AQP7: variants seen among roughly 807,000 people sequenced by gnomAD.
AQP7 encodes the protein aquaporin 7, also known as aquaporin-7.
In AQP7, 22 loss-of-function variants were observed where a neutral mutation model predicts 26.1. The ratio of observed to expected loss-of-function variants is 0.84; its 90% CI spans 0.60 to 1.20. The LOEUF (loss-of-function observed/expected upper bound fraction) is 1.20. AQP7 is among the 50% of genes most tolerant of loss of function. The pLI, the probability that AQP7 is intolerant of heterozygous loss-of-function variation, is 0.00. For missense variants in AQP7, 412 were observed against 457.5 expected (o/e 0.90, Z 0.91); for synonymous variants, 167 against 181.7 (o/e 0.92, Z 0.65).
intron 2 of AQP7, among the ~76,000 whole-genome samples, chr9:33,396,513 A>G (rs1825862126): frequency 6.8e-6 from 1 of 147,912 alleles, no homozygotes; most frequent in South Asian, 2.2e-4. Flanking sequence ...TCACTCTGCT[A>G]TCTCACTGTC....
At chr9:33,397,335 C>T (rs1825929360) in intron 2 of AQP7, among the ~76,000 whole-genome samples, 1 of 151,974 alleles carries the variant, frequency 6.6e-6, no homozygotes, top group African/African-American at 2.4e-5. Context: ...CTCTCCCCTG[C>T]CTCTATGGTA....
At chr9:33,392,536 AAAGG>A (rs1357663548) in intron 3 of AQP7, among the ~76,000 whole-genome samples, 1 of 152,090 alleles carries the variant, frequency 6.6e-6, no homozygotes, top group Non-Finnish European at 1.5e-5. Context: ...AATCTCAACA[AAAGG>A]AAGAGGAACA....
chr9:33,395,453 G>A (rs7863490), intron 2 of AQP7: 27,629 of 476,876 alleles, frequency 0.058, 1,086 homozygotes, highest in East Asian at 0.13. Flanking sequence ...ACACCAATGA[G>A]GCCACTTTGC....
intron 2 of AQP7, among the ~76,000 whole-genome samples, chr9:33,400,264 C>T (rs1826165088): frequency 6.6e-6 from 1 of 151,866 alleles, no homozygotes; most frequent in Admixed American, 6.6e-5. Flanking sequence ...GTACCAGCTC[C>T]TACGGAAAAA....
In AQP7 at chr9:33,386,071, A is replaced by G. The variant is rs572957001; in HGVS notation, c.525+6T>C. ...GGGGGAGGGATACTCATCCTCGACC[A>G]CTGACCTCATTCAGGAAGCCCCGCC... On this transcript the variant is annotated splice_donor_region_variant and intron_variant, in intron 6 of 7. Transcript: ENST00000297988. The G allele has an allele frequency of 3.1e-6, 5 of 1,612,884 alleles. No homozygotes were observed. The South Asian group carries it at 3.3e-5, about 11-fold the overall frequency.
At chr9:33,387,812 C>T (rs1263549990) in intron 3 of AQP7, among the ~76,000 whole-genome samples, 1 of 152,090 alleles carries the variant, frequency 6.6e-6, no homozygotes, top group African/African-American at 2.4e-5. Context: ...CCATACCTTC[C>T]ATCCTCCCAC....
chr9:33,395,311 G>T (rs566290105), intron 2 of AQP7, 116 bp from the exon 3 acceptor site: 6 of 810,444 alleles, frequency 7.4e-6, no homozygotes, highest in African/African-American at 1.7e-5. Flanking sequence ...GCCCACACAC[G>T]CCTCCTCTTG....
intron 2 of AQP7, among the ~76,000 whole-genome samples, chr9:33,398,580 C>T (rs550796834): frequency 7.2e-5 from 11 of 152,330 alleles, no homozygotes; most frequent in African/African-American, 1.9e-4. Context: ...GGCAGCTCAG[C>T]GATGCCCTCA....
Position 33,392,143 on chromosome 9 carries a change from G to A in AQP7, c.144+2935C>T, listed in dbSNP as rs574662290. Among the ~76,000 whole-genome samples, 12 of 152,148 alleles carry A rather than the reference G, an allele frequency of 7.9e-5. No homozygotes were observed. The East Asian group carries it at 1.5e-3, about 20-fold the overall frequency. ...AGCCTTGACAACATGGTGAAACCTC[G>A]TCTTTCCTAAAAATACAAAAATTGG... On this transcript the variant is annotated intron_variant, in intron 3 of 7. Coordinates refer to ENST00000297988, the MANE Select transcript of AQP7 (RefSeq NM_001170.3).
At chr9:33,398,079 T>G (rs1379975753) in intron 2 of AQP7, among the ~76,000 whole-genome samples, 48 of 151,690 alleles carry the variant, frequency 3.2e-4, no homozygotes, top group Non-Finnish European at 2.9e-4. Context: ...GTGGAGGAAG[T>G]GAATGGCCTA....
At chr9:33,385,602 G>A (rs117066088) in intron 7 of AQP7, 47 bp downstream of exon 7, 1 of 1,603,750 alleles carries the variant, frequency 6.2e-7, no homozygotes, top group Non-Finnish European at 8.5e-7. Flanking sequence ...AACACACAGG[G>A]GACCCACAGA....
chr9:33,402,332 G>A (rs1230766836), intron 1 of AQP7, 41 bp downstream of exon 1: 1 of 152,524 alleles, frequency 6.6e-6, no homozygotes, highest in African/African-American at 2.4e-5. Flanking sequence ...TGGGCGCTGA[G>A]GAGGCTGCCC....
At chr9:33,387,314 T>G (rs1824939236) in intron 3 of AQP7, among the ~76,000 whole-genome samples, 1 of 151,912 alleles carries the variant, frequency 6.6e-6, no homozygotes, top group South Asian at 2.1e-4. Context: ...GAGAGCCGGG[T>G]GGAGCGGCAG....
intron 2 of AQP7, among the ~76,000 whole-genome samples, chr9:33,396,905 G>A (rs1329043491): frequency 6.6e-6 from 1 of 151,470 alleles, no homozygotes; most frequent in South Asian, 2.1e-4. Flanking sequence ...AGACCAGCCT[G>A]GGCAGTATGA....
chr9:33,401,129 G>T, intron 2 of AQP7, 108 bp downstream of exon 2: 1 of 1,295,380 alleles, frequency 7.7e-7, no homozygotes, highest in Non-Finnish European at 1.1e-6. Context: ...GAGGTCGAGT[G>T]GGGACAGCTG....
chr9:33,401,417 A>G (rs1454578331), intron 1 of AQP7, 130 bp from the exon 2 acceptor site: 2 of 760,920 alleles, frequency 2.6e-6, no homozygotes, highest in Non-Finnish European at 4.4e-6. Context: ...TAACCCAGCC[A>G]AGGAACAGGG....
At chr9:33,402,213 A>C (rs1465120973) in intron 1 of AQP7, among the ~76,000 whole-genome samples, 160 bp downstream of exon 1, 3 of 152,092 alleles carry the variant, frequency 2.0e-5, no homozygotes, top group Non-Finnish European at 4.4e-5. Flanking sequence ...ACAGGACTGC[A>C]CCATAACAAG....
intron 3 of AQP7, among the ~76,000 whole-genome samples, chr9:33,393,125 G>C (rs1034220800): frequency 2.6e-5 from 4 of 152,152 alleles, no homozygotes; most frequent in African/African-American, 9.7e-5. Context: ...CTACTCAGGA[G>C]GCTGAGGCAA....
At chr9:33,395,712 C>G (rs1193899960) in intron 2 of AQP7, among the ~76,000 whole-genome samples, 1 of 152,208 alleles carries the variant, frequency 6.6e-6, no homozygotes, top group African/African-American at 2.4e-5. Flanking sequence ...GCACTGAGCG[C>G]TGAAACAAGC....
Sources: gnomAD v4.1 joint callset for allele counts (sites outside exome capture counted in the v4.1 genomes callset) on GRCh38, gnomAD v4.1.1 for gene constraint, MANE v1.5 for transcripts, NCBI Gene and HGNC (gene_info 2026-07-23, HGNC 2026-07-21) for gene names.